LZTFL1: variants seen among roughly 807,000 people sequenced by gnomAD.
LZTFL1 encodes the protein leucine zipper transcription factor-like protein 1.
A neutral mutation model predicts 45.9 loss-of-function variants in LZTFL1; 25 were observed. That is an observed-to-expected ratio of 0.54 (90% CI 0.40 to 0.76). The LOEUF is 0.76. Among genes scored for constraint, LZTFL1 ranks in the 30% least tolerant of loss-of-function variants. The probability of loss-of-function intolerance (pLI) is 0.00; values close to 1 mark genes in which losing one functional copy is unlikely to be tolerated. For synonymous variants in LZTFL1, 93 were observed against 117.4 expected, an observed-to-expected ratio of 0.79 and a Z score of 1.35; for missense variants, 277 against 331.1, an observed-to-expected ratio of 0.84 and a Z score of 1.27.
intron 7 of LZTFL1, among the ~76,000 whole-genome samples, chr3:45,830,014 A>C (rs1700773686): frequency 6.6e-6 from 1 of 152,250 alleles, no homozygotes; most frequent in Non-Finnish European, 1.5e-5. Flanking sequence ...GGAAGAAGAA[A>C]GTAGAGGTAC....
chr3:45,873,328 C>A (rs1033701976), intron 2 of LZTFL1, among the ~76,000 whole-genome samples: 6 of 152,196 alleles, frequency 3.9e-5, no homozygotes, highest in Non-Finnish European at 8.8e-5. Flanking sequence ...TTAAATAATT[C>A]TTTTAGCTGT....
chr3:45,838,741 A>G (rs190577088), intron 1 of LZTFL1, among the ~76,000 whole-genome samples: 58 of 152,370 alleles, frequency 3.8e-4, no homozygotes, highest in Admixed American at 2.1e-3. Context: ...GCTAAGAGCA[A>G]GGCATCAGCC....
chr3:45,842,030 G>C lies in LZTFL1; in HGVS notation c.-39C>G, dbSNP rs765559245. On this transcript the variant is annotated 5_prime_UTR_variant, in exon 1 of 10. Transcript: ENST00000296135. ...GGCGGCAGCCTAAAGGAACGGGAGA[G>C]GCCAGGCGGTGCCCCGCCAAGCCTG... The C allele has an allele frequency of 1.9e-6, 3 of 1,604,814 alleles. No individual in the cohort carries two copies. Among genetic ancestry groups the C allele is most frequent in the Non-Finnish European group, 2.5e-6 (3 of 1,177,428 alleles).
At chr3:45,877,797 GT>G (rs1368329907) in intron 2 of LZTFL1, among the ~76,000 whole-genome samples, 1 of 149,042 alleles carries the variant, frequency 6.7e-6, no homozygotes, top group Non-Finnish European at 1.5e-5. Flanking sequence ...CCAGGCTGGA[GT>G]GCAGTGGCTT....
chr3:45,831,512 G>C (rs1316366779), intron 5 of LZTFL1, among the ~76,000 whole-genome samples: 1 of 152,158 alleles, frequency 6.6e-6, no homozygotes, highest in Non-Finnish European at 1.5e-5. Context: ...CCCTTATCCT[G>C]AGAACTCCTT....
At chr3:45,869,470 T>C (rs1023045669) in intron 2 of LZTFL1, among the ~76,000 whole-genome samples, 9 of 152,184 alleles carry the variant, frequency 5.9e-5, no homozygotes, top group Non-Finnish European at 1.2e-4. Flanking sequence ...TTCAATGAAG[T>C]AGTGGTTGGA....
At chr3:45,904,241 C>G (rs1046091775) in intron 2 of LZTFL1, among the ~76,000 whole-genome samples, 2 of 152,228 alleles carry the variant, frequency 1.3e-5, no homozygotes, top group African/African-American at 4.8e-5. Context: ...AATCATTTCT[C>G]AAATATGTAC....
chr3:45,838,000 G>A lies in LZTFL1; in HGVS notation c.55C>T (p.Arg19Cys), dbSNP rs759640480. The change falls in exon 2 of 10, where the codon CGT becomes TGT. Residue 19 changes from arginine to cysteine, a missense_variant. Transcript: ENST00000296135. ...HHQNEVINYM[R>C]FARSKRGLRL... is the part of the protein sequence containing the mutation. ...AAGCCTCTCTTTGAACGAGCAAAAC[G>A]CATATAATTAATAACTTCATTTTGA... 4.5e-5 allele frequency: 72 copies of A among 1,612,642 alleles called. No individual in the cohort carries two copies. Among genetic ancestry groups the A allele is most frequent in the South Asian group, 5.5e-5 (5 of 90,750 alleles).
chr3:45,886,424 C>T (rs1701982690), intron 2 of LZTFL1: 2 of 152,290 alleles, frequency 1.3e-5, no homozygotes, highest in Admixed American at 1.3e-4. Context: ...ATTGACTCCG[C>T]TGATTGCTGG....
chr3:45,906,510 T>G (rs1277854981), intron 2 of LZTFL1, among the ~76,000 whole-genome samples: 2 of 152,188 alleles, frequency 1.3e-5, no homozygotes, highest in African/African-American at 4.8e-5. Flanking sequence ...GACCAGGGAC[T>G]GAAAAGATGG....
intron 4 of LZTFL1, among the ~76,000 whole-genome samples, chr3:45,833,528 A>G (rs1322101917): frequency 6.6e-6 from 1 of 152,226 alleles, no homozygotes; most frequent in Non-Finnish European, 1.5e-5. Context: ...GAAAAACAAT[A>G]ATATTGATGA....
intron 2 of LZTFL1, among the ~76,000 whole-genome samples, chr3:45,870,999 C>T (rs1575280142): frequency 6.6e-6 from 1 of 152,138 alleles, no homozygotes; most frequent in East Asian, 1.9e-4. Context: ...CAGAAACATG[C>T]CCTGGGAATC....
Position 45,841,995 on chromosome 3 carries a change from G to T in LZTFL1, c.-4C>A. On this transcript the variant is annotated 5_prime_UTR_variant, in exon 1 of 10. Coordinates refer to ENST00000296135, the MANE Select transcript of LZTFL1 (RefSeq NM_020347.4). Reference sequence around the variant, plus strand: ...CTGAGGGTCGGTTACTCACCATGGCGGCAGGCAGCGGCGGCAGCCTAAAGG... The same window carrying T: ...CTGAGGGTCGGTTACTCACCATGGCTGCAGGCAGCGGCGGCAGCCTAAAGG... 1 of 1,610,666 alleles carries T rather than the reference G, an allele frequency of 6.2e-7. No homozygotes were observed. The highest frequency in any genetic ancestry group is 8.5e-7 in the Non-Finnish European group (1 of 1,179,380).
At chr3:45,905,146 C>T (rs1702655983) in intron 2 of LZTFL1, among the ~76,000 whole-genome samples, 1 of 152,208 alleles carries the variant, frequency 6.6e-6, no homozygotes, top group African/African-American at 2.4e-5. Context: ...CGAGTAGTCA[C>T]TGATTGTTTA....
At chr3:45,902,077 C>T (rs1340731844) in intron 2 of LZTFL1, 4 of 604,284 alleles carry the variant, frequency 6.6e-6, no homozygotes, top group Non-Finnish European at 1.2e-5. Context: ...AATCAACTGA[C>T]TAGTGCAGGA....
chr3:45,838,139 G>A (rs988600742), intron 1 of LZTFL1, 88 bp from the exon 2 acceptor site: 6 of 1,350,150 alleles, frequency 4.4e-6, no homozygotes, highest in South Asian at 1.5e-5. Context: ...TCCTGTGGTC[G>A]AGACTGCTAG....
At chr3:45,871,976 G>A (rs1386719400) in intron 2 of LZTFL1, among the ~76,000 whole-genome samples, 1 of 152,184 alleles carries the variant, frequency 6.6e-6, no homozygotes, top group Non-Finnish European at 1.5e-5. Context: ...TCAGCCTGTG[G>A]CCCCCACCTG....
chr3:45,909,421 T>G (rs1702746806), intron 2 of LZTFL1, among the ~76,000 whole-genome samples: 1 of 152,152 alleles, frequency 6.6e-6, no homozygotes, highest in Non-Finnish European at 1.5e-5. Context: ...CCATTTTTGG[T>G]TTCAGCTACA....
chr3:45,910,705 G>T (rs1339048851), intron 2 of LZTFL1, among the ~76,000 whole-genome samples: 1 of 152,104 alleles, frequency 6.6e-6, no homozygotes, highest in Non-Finnish European at 1.5e-5. Flanking sequence ...ATCTCTTTTG[G>T]GTTCATTTGC....
Sources: gnomAD v4.1 joint callset for allele counts (sites outside exome capture counted in the v4.1 genomes callset) on GRCh38, gnomAD v4.1.1 for gene constraint, MANE v1.5 for transcripts, NCBI Gene and HGNC (gene_info 2026-07-23, HGNC 2026-07-21) for gene names.